The following TBC1D2B variants were observed in gnomAD, a reference collection of about 807,000 sequenced individuals.
The protein encoded by TBC1D2B is TBC1 domain family member 2B.
Under a neutral mutation model 100.8 loss-of-function variants are expected in TBC1D2B, and 64 were observed. The ratio of observed to expected loss-of-function variants is 0.64; its 90% confidence interval spans 0.52 to 0.78. The LOEUF is 0.78. Ranked by LOEUF, TBC1D2B falls within the 30% of genes least tolerant of loss-of-function variation. The probability of loss-of-function intolerance (pLI) is 0.00; values close to 1 mark genes in which losing one functional copy is unlikely to be tolerated. For synonymous variants in TBC1D2B, 480 were observed against 479.7 expected (o/e 1.00, Z -0.01); for missense variants, 1,052 against 1,218.4 (o/e 0.86, Z 2.03).
intron 10 of TBC1D2B, among the ~76,000 whole-genome samples, chr15:78,004,576 C>T (rs1228484794): frequency 6.6e-6 from 1 of 152,244 alleles, no homozygotes; most frequent in African/African-American, 2.4e-5. Flanking sequence ...CCACGTGAAC[C>T]GGTATGCACG....
chr15:78,020,696 C>T (rs553097728), intron 6 of TBC1D2B, among the ~76,000 whole-genome samples: 69 of 152,334 alleles, frequency 4.5e-4, no homozygotes, highest in African/African-American at 1.4e-3. Flanking sequence ...TGTTCCACAT[C>T]CCCTTCCCTC....
At chr15:78,053,028 T>TA (rs1189735319) in intron 2 of TBC1D2B, among the ~76,000 whole-genome samples, 1 of 152,216 alleles carries the variant, frequency 6.6e-6, no homozygotes, top group African/African-American at 2.4e-5. Context: ...TTATCACTGA[T>TA]AAGAGGGTTA....
rs1456705822 is a variant in TBC1D2B, at chr15:78,016,559, G to T, written c.1762C>A (p.Pro588Thr). The T allele has an allele frequency of 1.2e-6, 2 of 1,612,486 alleles. No homozygotes were observed. The highest frequency in any genetic ancestry group is 1.7e-6 in the Non-Finnish European group (2 of 1,179,612). ...QEQPEQAFVK[P>T]HLVSEYDIYG... The stretch of plus-strand genomic sequence containing the variant: ...TAGCACATTTACCTGACAAGATGAG[G>T]TTTAACAAATGCTTGCTCCGGCTGC... The change falls in exon 8 of 13, where the codon CCT becomes ACT. Residue 588 changes from proline to threonine, a missense_variant. Pro to Thr is a conservative substitution (Grantham distance 38). Around this residue, in one of 4 missense-constraint regions of TBC1D2B, gnomAD observed 373 missense variants for 464.9 expected, o/e 0.80. Transcript: ENST00000300584.
chr15:78,044,862 C>A (rs1169431575), intron 3 of TBC1D2B, 38 bp downstream of exon 3: 3 of 1,524,552 alleles, frequency 2.0e-6, no homozygotes. Context: ...CAGAAACAAC[C>A]CATTTTCAAT....
intron 6 of TBC1D2B, among the ~76,000 whole-genome samples, chr15:78,022,734 G>A (rs1167270845): frequency 2.0e-5 from 3 of 151,662 alleles, no homozygotes; most frequent in East Asian, 3.9e-4. Flanking sequence ...TTTGTATAGA[G>A]ACGGGGGTTT....
At chr15:78,047,130 A>C (rs1398447874) in intron 2 of TBC1D2B, among the ~76,000 whole-genome samples, 2 of 152,060 alleles carry the variant, frequency 1.3e-5, no homozygotes, top group East Asian at 3.9e-4. Context: ...TGCTGGGAAC[A>C]GAAGAATTAC....
At chr15:78,016,806 A>C in intron 7 of TBC1D2B, 67 bp from the exon 8 acceptor site, 2 of 1,334,410 alleles carry the variant, frequency 1.5e-6, no homozygotes. Flanking sequence ...TTAGGTACGC[A>C]AATGACCAGT....
chr15:78,004,924 C>T (rs547149744), intron 10 of TBC1D2B, among the ~76,000 whole-genome samples: 2 of 152,328 alleles, frequency 1.3e-5, no homozygotes, highest in African/African-American at 4.8e-5. Context: ...GTTAACTGTA[C>T]ATATTTTCCT....
At chr15:78,027,834 T>A (rs897439018) in intron 4 of TBC1D2B, among the ~76,000 whole-genome samples, 17 of 152,254 alleles carry the variant, frequency 1.1e-4, no homozygotes, top group African/African-American at 4.1e-4. Context: ...CAGCTCGTAC[T>A]GAGCCCCTCT....
rs2072613035 is a variant in TBC1D2B at position 78,024,680 on chromosome 15, T to C, written c.1087-141A>G. ...TACTGGAAACATTTTAATACTGAAC[T>C]TCCTCTTGAAGGATCTCAAAAATAG... is the stretch of plus-strand genomic sequence containing the variant. On this transcript the variant is annotated intron_variant, in intron 5 of 12. Transcript: ENST00000300584. 3 of 782,074 alleles carry C rather than the reference T, an allele frequency of 3.8e-6. No individual in the cohort carries two copies. In the South Asian group the frequency reaches 6.0e-5, roughly 16 times the overall value. The allele number at this position is 782,074 out of a possible 1,614,324, so 48.4% of individuals were successfully genotyped here.
intron 1 of TBC1D2B, among the ~76,000 whole-genome samples, chr15:78,058,133 T>A (rs958112766): frequency 2.0e-4 from 30 of 152,174 alleles, no homozygotes; most frequent in African/African-American, 6.5e-4. Context: ...ATTTTACTGG[T>A]TTAATGTGGC....
At chr15:78,016,497 G>T in intron 8 of TBC1D2B, 49 bp downstream of exon 8, 1 of 1,563,382 alleles carries the variant, frequency 6.4e-7, no homozygotes, top group South Asian at 1.1e-5. Context: ...TTGAAAAAGG[G>T]ACTTCAGAAA....
chr15:78,027,552 CCTCT>C (rs2072702470), intron 4 of TBC1D2B, among the ~76,000 whole-genome samples: 1 of 152,176 alleles, frequency 6.6e-6, no homozygotes, highest in Non-Finnish European at 1.5e-5. Flanking sequence ...TTTGTCTCTC[CCTCT>C]CTATCACATA....
At position 78,016,780 on chromosome 15, in the gene TBC1D2B, A is replaced by G. The variant is rs767931245; in HGVS notation, c.1582-41T>C. ...TGGTTACCTCCATTCAGACAGAGAC[A>G]CAGGAAGAGCAATCTTTAGGTACGC... is the stretch of plus-strand genomic sequence containing the variant. On this transcript the variant is annotated intron_variant, in intron 7 of 12. Coordinates refer to ENST00000300584, the MANE Select transcript of TBC1D2B (RefSeq NM_144572.2). 2.8e-6 allele frequency: 4 copies of G among 1,451,320 alleles called. No individual in the cohort carries two copies. In the East Asian group the frequency reaches 9.9e-5, roughly 36 times the overall value. 89.9% of individuals were successfully genotyped at this position (1,451,320 alleles called of 1,614,324 possible).
chr15:78,048,732 G>A (rs1003169065), intron 2 of TBC1D2B, among the ~76,000 whole-genome samples: 1 of 152,174 alleles, frequency 6.6e-6, no homozygotes, highest in Non-Finnish European at 1.5e-5. Flanking sequence ...AACACATGAT[G>A]CTCAAAGTCT....
In TBC1D2B at chr15:78,025,261, T is replaced by C. The variant is rs1461886096; in HGVS notation, c.1084A>G (p.Lys362Glu). 6.2e-7 allele frequency: 1 copy of C among 1,612,994 alleles called. No individual in the cohort carries two copies. The highest frequency in any genetic ancestry group is 1.1e-5 in the South Asian group (1 of 91,046). ...EQLKKDLSSQ[K>E]ELVRLLQQTV... is the part of the protein sequence containing the mutation. ...CAGAAGCCAGAAGAAGAAGTTACCT[T>C]CTGACTGGACAGGTCTTTCTTTAAC... Residue 362 changes from lysine to glutamate, a missense_variant and splice_region_variant, in exon 5 of 13, where the codon AAG becomes GAG. Around this residue, in one of 4 missense-constraint regions of TBC1D2B, gnomAD observed 627 missense variants for 646.1 expected, o/e 0.97. Coordinates refer to ENST00000300584, the MANE Select transcript of TBC1D2B (RefSeq NM_144572.2).
chr15:78,015,868 G>T (rs915828385), intron 8 of TBC1D2B, among the ~76,000 whole-genome samples: 1 of 152,178 alleles, frequency 6.6e-6, no homozygotes, highest in Non-Finnish European at 1.5e-5. Flanking sequence ...AACAATGCAG[G>T]CTGGTGCTGT....
chr15:78,072,636 C>A (rs190925922), intron 1 of TBC1D2B, among the ~76,000 whole-genome samples: 35 of 152,322 alleles, frequency 2.3e-4, no homozygotes, highest in African/African-American at 7.9e-4. Flanking sequence ...AACCAGTACA[C>A]ATGTCTATTT....
At chr15:78,026,538 A>G (rs1279637051) in intron 4 of TBC1D2B, among the ~76,000 whole-genome samples, 2 of 152,198 alleles carry the variant, frequency 1.3e-5, no homozygotes, top group African/African-American at 2.4e-5. Context: ...TAAATTACTC[A>G]GCCTATGGTA....
Sources: gnomAD v4.1 joint callset for allele counts (sites outside exome capture counted in the v4.1 genomes callset) on GRCh38, gnomAD v4.1.1 for gene constraint, gnomAD v4.1.1 regional missense constraint, MANE v1.5 for transcripts, NCBI Gene and HGNC (gene_info 2026-07-23, HGNC 2026-07-21) for gene names.